ACTR1A: variants seen among roughly 807,000 people sequenced by gnomAD.
The protein encoded by ACTR1A is alpha-centractin.
In ACTR1A, 10 loss-of-function variants were observed where a neutral mutation model predicts 50.7. The observed-to-expected ratio is 0.20, with a 90% confidence interval of 0.12 to 0.33. ACTR1A has a LOEUF of 0.33. Among genes scored for constraint, ACTR1A ranks in the 10% least tolerant of loss-of-function variants. The pLI is 1.00. For missense variants in ACTR1A, 253 were observed against 491.7 expected (o/e 0.51, Z 4.59); for synonymous variants, 177 against 184.2 (o/e 0.96, Z 0.32).
In ACTR1A at chr10:102,479,900, G is replaced by A. The variant is rs1301708541; in HGVS notation, c.*963C>T. On this transcript the variant is annotated 3_prime_UTR_variant, in exon 11 of 11. Coordinates refer to ENST00000369905, the MANE Select transcript of ACTR1A (RefSeq NM_005736.4). This position sits in a 1 kb window ranked among gnomAD's most constrained non-coding sequence, Gnocchi z 4.0. The stretch of plus-strand genomic sequence containing the variant: ...GAGGAAAAGGGAGAAAGAGCCTGGT[G>A]GGAGTGTCTTTGAGTGTAGCTTCCA... 6.1e-6 allele frequency: 2 copies of A among 328,606 alleles called. No individual in the cohort carries two copies. The highest frequency in any genetic ancestry group is 1.2e-5 in the Non-Finnish European group (2 of 164,550). 20.4% of individuals were successfully genotyped at this position (328,606 alleles called of 1,614,324 possible). A position where few individuals can be genotyped will look rare whatever the true frequency, so the allele number is the denominator to read the frequency against.
At chr10:102,483,764 GAA>G (rs2062154138) in intron 6 of ACTR1A, 1 of 190,350 alleles carries the variant, frequency 5.3e-6, no homozygotes, top group Admixed American at 5.3e-5. Context: ...GCGATTGCTT[GAA>G]CCCGGGAGGC....
chr10:102,492,354 C>A (rs1227661838), intron 1 of ACTR1A, among the ~76,000 whole-genome samples: 1 of 152,070 alleles, frequency 6.6e-6, no homozygotes, highest in Non-Finnish European at 1.5e-5. Context: ...CAGGCATGAA[C>A]CACCGCGCCT....
chr10:102,481,814 G>A lies in ACTR1A; in HGVS notation c.987+23C>T, dbSNP rs763645768. ...TCCATGGAAGCCTAGTTCCACCCAG[G>A]CCAGGCCCCACCATGCTCCTACCCT... On this transcript the variant is annotated intron_variant, in intron 9 of 10. Transcript: ENST00000369905. 11 of 1,611,962 alleles carry A rather than the reference G, an allele frequency of 6.8e-6. No homozygotes were observed. In the Admixed American group the frequency reaches 1.8e-4, roughly 27 times the overall value.
intron 6 of ACTR1A, chr10:102,483,371 A>G (rs1419409139): frequency 7.5e-5 from 31 of 414,424 alleles, no homozygotes; most frequent in Admixed American, 2.0e-4. Context: ...TGAGACCACA[A>G]CCTAAGTTCA....
chr10:102,494,696 C>T (rs973400477), intron 1 of ACTR1A, among the ~76,000 whole-genome samples: 27 of 152,308 alleles, frequency 1.8e-4, no homozygotes, highest in African/African-American at 6.5e-4. Context: ...TGGCCCACGC[C>T]TGTCACCCCA....
Position 102,486,834 on chromosome 10 carries a change from C to T in ACTR1A, c.316-1101G>A, listed in dbSNP as rs373115630. ...AAGGTCTCACTCTGTCACCAGGCTG[C>T]GAGTTCAGTGGTGCGATCTTGGCTT... is the stretch of plus-strand genomic sequence containing the variant. On this transcript the variant is annotated intron_variant, in intron 4 of 10. Coordinates refer to ENST00000369905, the MANE Select transcript of ACTR1A (RefSeq NM_005736.4). Among the ~76,000 whole-genome samples the T allele has an allele frequency of 2.0e-5, 3 of 150,792 alleles. No homozygotes were observed. In the East Asian group the frequency reaches 5.8e-4, roughly 29 times the overall value.
At chr10:102,486,209 G>C (rs577196183) in intron 4 of ACTR1A, among the ~76,000 whole-genome samples, 3 of 152,234 alleles carry the variant, frequency 2.0e-5, no homozygotes, top group Admixed American at 6.5e-5. Context: ...ACCCTACTGT[G>C]AACTGCGCAT....
chr10:102,486,986 T>C (rs2062172167), intron 4 of ACTR1A, among the ~76,000 whole-genome samples: 1 of 151,420 alleles, frequency 6.6e-6, no homozygotes, highest in Non-Finnish European at 1.5e-5. Context: ...GTAGAGGTGG[T>C]GTTTCGCCAT....
At chr10:102,492,032 G>C (rs1209846297) in intron 1 of ACTR1A, among the ~76,000 whole-genome samples, 1 of 145,340 alleles carries the variant, frequency 6.9e-6, no homozygotes, top group Non-Finnish European at 1.5e-5. Flanking sequence ...GCCTCCCAAA[G>C]TGCTGGGATT....
rs568438462 is a variant in ACTR1A, at chr10:102,487,883, G to A, written c.315+267C>T. ...CCTGACCTCGTGATCCACCCGCCTC[G>A]GCCTCCCAAAGTGCTGGGATTACAG... is the stretch of plus-strand genomic sequence containing the variant. On this transcript the variant is annotated intron_variant, in intron 4 of 10. Coordinates refer to ENST00000369905, the MANE Select transcript of ACTR1A (RefSeq NM_005736.4). 1.5e-4 allele frequency among the ~76,000 whole-genome samples: 23 copies of A among 152,006 alleles called. No homozygotes were observed. In the East Asian group the frequency reaches 1.5e-3, roughly 10 times the overall value.
Position 102,488,374 on chromosome 10 carries a change from G to A in ACTR1A, c.190-99C>T, listed in dbSNP as rs2135583471. ...TGCAAGCTGAATCCCTTGCAAAGAA[G>A]CCTCAGCTTCCTGAGCTTCCACCCT... On this transcript the variant is annotated intron_variant, in intron 3 of 10. Transcript: ENST00000369905. The surrounding 1 kb of genome is among the most constrained non-coding windows in gnomAD (Gnocchi z 4.4). The A allele has an allele frequency of 6.5e-7, 1 of 1,527,880 alleles. No individual in the cohort carries two copies. The highest frequency in any genetic ancestry group is 1.7e-5 in the Admixed American group (1 of 57,648). The allele number at this position is 1,527,880 out of a possible 1,614,324, so 94.6% of individuals were successfully genotyped here.
Position 102,485,677 on chromosome 10 carries a change from A to C in ACTR1A, c.372T>G (p.Ala124=). 1 of 1,614,134 alleles carries C rather than the reference A, an allele frequency of 6.2e-7. No homozygotes were observed. Among genetic ancestry groups the C allele is most frequent in the Non-Finnish European group, 8.5e-7 (1 of 1,180,016 alleles). Reference sequence around the variant, plus strand: ...TGAAGGTCTCGAAGAAAACTTCGGCAGCTCGTTCCCGGTTTTTTCGTGGGT... The same window carrying C: ...TGAAGGTCTCGAAGAAAACTTCGGCCGCTCGTTCCCGGTTTTTTCGTGGGT... ...PLNPRKNRER[A]AEVFFETFNV... Residue 124 remains alanine (A), a synonymous_variant, in exon 5 of 11, where the codon GCT becomes GCG. Transcript: ENST00000369905.
chr10:102,483,213 G>C, intron 6 of ACTR1A, 110 bp from the exon 7 acceptor site: 1 of 849,524 alleles, frequency 1.2e-6, no homozygotes, highest in South Asian at 1.4e-5. Flanking sequence ...CGTTGTGATG[G>C]CCCCAATGGT....
chr10:102,495,639 G>C (rs1406315832), intron 1 of ACTR1A, among the ~76,000 whole-genome samples: 2 of 151,550 alleles, frequency 1.3e-5, no homozygotes, highest in East Asian at 3.9e-4. Context: ...TGAGGCAGGA[G>C]AATCTCTTGA....
At chr10:102,493,019 AAAAAAG>A (rs1432186772) in intron 1 of ACTR1A, among the ~76,000 whole-genome samples, 5 of 150,672 alleles carry the variant, frequency 3.3e-5, no homozygotes, top group Admixed American at 6.6e-5. Context: ...AAAAAAAAAA[AAAAAAG>A]AAGTGGTTGA....
intron 1 of ACTR1A, among the ~76,000 whole-genome samples, chr10:102,492,549 A>G (rs2062199645): frequency 6.6e-6 from 1 of 151,646 alleles, no homozygotes; most frequent in African/African-American, 2.4e-5. Context: ...ACACCTGGAG[A>G]CTCTAAGTAG....
Position 102,489,063 on chromosome 10 carries a change from C to A in ACTR1A, c.189G>T (p.Glu63Asp). The A allele has an allele frequency of 6.4e-7, 1 of 1,566,724 alleles. No homozygotes were observed. The highest frequency in any genetic ancestry group is 8.7e-7 in the Non-Finnish European group (1 of 1,155,802). The part of the protein sequence containing the change: ...EGDIFIGPKA[E>D]EHRGLLSIRY... ...CTTGTTCTGTAGGCCTGGGAATTAC[C>A]TCAGCTTTGGGGCCAATGAAGATGT... The change falls in exon 3 of 11, where the codon GAG becomes GAT. Residue 63 changes from glutamate to aspartate, a missense_variant and splice_region_variant. Glu to Asp is a conservative substitution (Grantham distance 45). Around this residue, in one of 4 missense-constraint regions of ACTR1A, gnomAD observed 96 missense variants for 238.7 expected, o/e 0.40. Transcript: ENST00000369905.
Position 102,479,762 on chromosome 10 carries a change from T to C in ACTR1A, c.*1101A>G. The C allele has an allele frequency of 9.2e-7, 1 of 1,088,966 alleles. No individual in the cohort carries two copies. 67.5% of individuals were successfully genotyped at this position (1,088,966 alleles called of 1,614,324 possible). On this transcript the variant is annotated 3_prime_UTR_variant, in exon 11 of 11. Transcript: ENST00000369905. This position sits in a 1 kb window ranked among gnomAD's most constrained non-coding sequence, Gnocchi z 4.0. ...CAGCTTTCTCCAGTCTTAAGGGCAC[T>C]GGCTCTCCAACACCCCTCCCTTGCT...
chr10:102,482,955 G>T lies in ACTR1A; in HGVS notation c.750+56C>A. The T allele has an allele frequency of 7.1e-7, 1 of 1,400,934 alleles. No homozygotes were observed. Among genetic ancestry groups the T allele is most frequent in the African/African-American group, 1.4e-5 (1 of 70,706 alleles). 86.8% of individuals were successfully genotyped at this position (1,400,934 alleles called of 1,614,324 possible). A position where few individuals can be genotyped will look rare whatever the true frequency, so the allele number is the denominator to read the frequency against. ...CAGACCCTGATGGAGAATTCTGGTT[G>T]GGCCCAGAGCTTTTGTGGACCTAAG... On this transcript the variant is annotated intron_variant, in intron 7 of 10. Coordinates refer to ENST00000369905, the MANE Select transcript of ACTR1A (RefSeq NM_005736.4). The surrounding 1 kb of genome is among the most constrained non-coding windows in gnomAD (Gnocchi z 5.6).
Sources: allele counts gnomAD v4.1 joint callset (sites outside exome capture counted in the v4.1 genomes callset), GRCh38; gene constraint gnomAD v4.1.1; regional missense constraint gnomAD v4.1.1; non-coding constraint Gnocchi (gnomAD v3.1); transcripts MANE v1.5; gene names NCBI Gene and HGNC (gene_info 2026-07-23, HGNC 2026-07-21).